NMUR2: variants seen among roughly 807,000 people sequenced by gnomAD.
NMUR2 encodes the protein neuromedin-U receptor 2.
A neutral mutation model predicts 25.1 loss-of-function variants in NMUR2; 24 were observed. The observed-to-expected ratio is 0.96, with a 90% CI of 0.69 to 1.34. NMUR2 has a LOEUF of 1.34. NMUR2 is among the 40% of genes most tolerant of loss of function. The probability of loss-of-function intolerance (pLI) is 0.00; values close to 1 mark genes in which losing one functional copy is unlikely to be tolerated. For synonymous variants in NMUR2, 218 were observed against 208.1 expected, an observed-to-expected ratio of 1.05 and a Z score of -0.41; for missense variants, 533 against 512.8, an observed-to-expected ratio of 1.04 and a Z score of -0.38.
At chr5:152,396,791 C>T (rs909992298) in intron 2 of NMUR2, among the ~76,000 whole-genome samples, 1 of 151,912 alleles carries the variant, frequency 6.6e-6, no homozygotes, top group African/African-American at 2.4e-5. Flanking sequence ...ACTCAGGAGG[C>T]TGAGGCAGGA....
At chr5:152,399,683 G>A (rs1753221691) in intron 1 of NMUR2, among the ~76,000 whole-genome samples, 1 of 152,134 alleles carries the variant, frequency 6.6e-6, no homozygotes, top group South Asian at 2.1e-4. Context: ...ATAAGATCGT[G>A]TGTTTTATTT....
chr5:152,399,629 A>G (rs1753220597), intron 1 of NMUR2, among the ~76,000 whole-genome samples: 4 of 152,274 alleles, frequency 2.6e-5, no homozygotes, highest in African/African-American at 9.6e-5. Flanking sequence ...AACCAACACC[A>G]TAGAAAAAAA....
intron 3 of NMUR2, among the ~76,000 whole-genome samples, chr5:152,393,013 T>G (rs1361427126): frequency 2.6e-5 from 4 of 152,216 alleles, no homozygotes; most frequent in African/African-American, 9.6e-5. Flanking sequence ...CCTTTTCCCT[T>G]GATGGTTCCT....
Position 152,404,870 on chromosome 5 carries a change from A to G in NMUR2, c.244T>C (p.Tyr82His). The G allele has an allele frequency of 6.2e-7, 1 of 1,614,120 alleles. No homozygotes were observed. The highest frequency in any genetic ancestry group is 8.5e-7 in the Non-Finnish European group (1 of 1,180,024). Reference protein sequence around the residue: ...QHQAMKTPTNYYLFSLAVSDL... With the variant: ...QHQAMKTPTNHYLFSLAVSDL... ...GAGACCGCCAGGCTGAAGAGGTAGTAGTTGGTGGGCGTCTTCATAGCCTGG... is the reference window on the plus strand; with the variant it reads ...GAGACCGCCAGGCTGAAGAGGTAGTGGTTGGTGGGCGTCTTCATAGCCTGG... The change falls in exon 1 of 4, where the codon TAC becomes CAC. Residue 82 changes from tyrosine (Y) to histidine (H), a missense_variant. Transcript: ENST00000255262.
intron 1 of NMUR2, among the ~76,000 whole-genome samples, chr5:152,399,991 T>C (rs962095884): frequency 6.6e-6 from 1 of 152,210 alleles, no homozygotes; most frequent in African/African-American, 2.4e-5. Flanking sequence ...CTGGGCTGGA[T>C]AGCATTTTGA....
chr5:152,403,855 A>G (rs560147356), intron 1 of NMUR2, among the ~76,000 whole-genome samples: 2 of 152,108 alleles, frequency 1.3e-5, no homozygotes, highest in Non-Finnish European at 2.9e-5. Flanking sequence ...TTTAAAACTG[A>G]ATACCTATCT....
At chr5:152,399,122 T>G (rs2113099622) in intron 1 of NMUR2, among the ~76,000 whole-genome samples, 1 of 152,276 alleles carries the variant, frequency 6.6e-6, no homozygotes, top group East Asian at 1.9e-4. Context: ...TTTTACACAT[T>G]TTTTAATTTG....
intron 2 of NMUR2, among the ~76,000 whole-genome samples, chr5:152,397,595 A>AT (rs200628437): frequency 0.022 from 3,142 of 143,456 alleles, 32 homozygotes; most frequent in Middle Eastern, 0.032. Context: ...ATATTTGTTC[A>AT]TTTTTTTTTT....
intron 3 of NMUR2, 80 bp from the exon 4 acceptor site, chr5:152,392,581 A>C: frequency 9.0e-7 from 1 of 1,105,894 alleles, no homozygotes; most frequent in Admixed American, 2.2e-5. Context: ...AAATATTTAC[A>C]AAGGCCTAGA....
chr5:152,397,376 T>C (rs1363571641), intron 2 of NMUR2, among the ~76,000 whole-genome samples: 1 of 152,190 alleles, frequency 6.6e-6, no homozygotes, highest in Admixed American at 6.5e-5. Flanking sequence ...TGGGAGACTG[T>C]GGCTCAGTAA....
intron 2 of NMUR2, among the ~76,000 whole-genome samples, chr5:152,396,875 C>A (rs1753161061): frequency 6.6e-6 from 1 of 151,908 alleles, no homozygotes; most frequent in South Asian, 2.1e-4. Flanking sequence ...GGCAACAGGG[C>A]AAGACTCCAT....
chr5:152,405,256 A>C lies in NMUR2; in HGVS notation c.-143T>G. ...GGCTTCGTAAGGAAGGCTGGGAGAG[A>C]GTGAGTGTTTCACCCTCCAGGTTAG... On this transcript the variant is annotated 5_prime_UTR_variant, in exon 1 of 4. Transcript: ENST00000255262. 1.0e-6 allele frequency: 1 copy of C among 987,246 alleles called. No individual in the cohort carries two copies. Among genetic ancestry groups the C allele is most frequent in the Non-Finnish European group, 1.5e-6 (1 of 687,680 alleles). 61.2% of individuals were successfully genotyped at this position (987,246 alleles called of 1,614,324 possible).
rs573601415 is a variant in NMUR2 at position 152,392,979 on chromosome 5, C to A, written c.938-478G>T. Among the ~76,000 whole-genome samples, 13 of 152,298 alleles carry A rather than the reference C, an allele frequency of 8.5e-5. No homozygotes were observed. In the South Asian group the frequency reaches 2.5e-3, roughly 29 times the overall value. On this transcript the variant is annotated intron_variant, in intron 3 of 3. Coordinates refer to ENST00000255262, the MANE Select transcript of NMUR2 (RefSeq NM_020167.5). The stretch of plus-strand genomic sequence containing the variant: ...TAAGATACGGCTTCAAAGAAATATT[C>A]CCTAGCGTGCTGTTCCTACCTACCC...
intron 3 of NMUR2, among the ~76,000 whole-genome samples, chr5:152,394,844 C>CTTTTTT (rs34269811): frequency 9.7e-6 from 1 of 103,184 alleles, no homozygotes; most frequent in Non-Finnish European, 1.9e-5. Context: ...GTACAGGAGG[C>CTTTTTT]TTTTTTTTTT....
At chr5:152,402,130 C>T (rs1456579176) in intron 1 of NMUR2, among the ~76,000 whole-genome samples, 1 of 152,054 alleles carries the variant, frequency 6.6e-6, no homozygotes, top group African/African-American at 2.4e-5. Flanking sequence ...AGGAAAATCA[C>T]GGAGAGCCAT....
At chr5:152,403,729 T>C (rs1753296898) in intron 1 of NMUR2, among the ~76,000 whole-genome samples, 1 of 147,926 alleles carries the variant, frequency 6.8e-6, no homozygotes, top group African/African-American at 2.5e-5. Flanking sequence ...CTATATATTA[T>C]ATATATGACT....
chr5:152,402,966 G>A (rs1444197252), intron 1 of NMUR2, among the ~76,000 whole-genome samples: 1 of 152,134 alleles, frequency 6.6e-6, no homozygotes, highest in Non-Finnish European at 1.5e-5. Context: ...GTATTCAAAA[G>A]GACTACCATT....
chr5:152,401,690 G>A (rs1214662209), intron 1 of NMUR2, among the ~76,000 whole-genome samples: 1 of 152,184 alleles, frequency 6.6e-6, no homozygotes, highest in Non-Finnish European at 1.5e-5. Context: ...CACATGTGGA[G>A]GGACTTGCCC....
intron 3 of NMUR2, among the ~76,000 whole-genome samples, chr5:152,395,029 C>T (rs1753125544): frequency 6.6e-6 from 1 of 152,080 alleles, no homozygotes; most frequent in South Asian, 2.1e-4. Flanking sequence ...AGCAGAGTTA[C>T]AGTAGCCTAA....
Sources: allele counts gnomAD v4.1 joint callset (sites outside exome capture counted in the v4.1 genomes callset), GRCh38; gene constraint gnomAD v4.1.1; transcripts MANE v1.5; gene names NCBI Gene and HGNC (gene_info 2026-07-23, HGNC 2026-07-21).